Variants in MYMX observed in about 807,000 individuals in gnomAD.
MYMX encodes protein myomixer.
upstream of MYMX, among the ~76,000 whole-genome samples, chr6:44,213,254 C>CTT (rs1775691910): frequency 6.6e-6 from 1 of 151,076 alleles, no homozygotes; most frequent in Non-Finnish European, 1.5e-5. Flanking sequence ...GGCGTGGTGG[C>CTT]GCATGCCTGT....
At chr6:44,213,891 A>G (rs566796002), upstream of MYMX, among the ~76,000 whole-genome samples, 3 of 152,312 alleles carry the variant, frequency 2.0e-5, no homozygotes, top group African/African-American at 7.2e-5. Context: ...GCTCACTGCA[A>G]CCTTGAACTC....
upstream of MYMX, among the ~76,000 whole-genome samples, chr6:44,212,212 C>A (rs988436481): frequency 6.6e-6 from 1 of 151,832 alleles, no homozygotes; most frequent in Non-Finnish European, 1.5e-5. Context: ...TCAAGACCAG[C>A]CTGGGCAACA....
the MYMX span, among the ~76,000 whole-genome samples, chr6:44,210,636 T>C: frequency 1.3e-5 from 2 of 152,320 alleles, no homozygotes; most frequent in South Asian, 4.1e-4. Flanking sequence ...CCCAAATCTC[T>C]TCGGTAACTT....
At chr6:44,213,749 C>T (rs1282854955), upstream of MYMX, among the ~76,000 whole-genome samples, 1 of 152,168 alleles carries the variant, frequency 6.6e-6, no homozygotes, top group Non-Finnish European at 1.5e-5. Context: ...GACAAGTGAT[C>T]CTATTTAATC....
At chr6:44,203,501 G>A in the MYMX span, among the ~76,000 whole-genome samples, 1 of 152,192 alleles carries the variant, frequency 6.6e-6, no homozygotes, top group African/African-American at 2.4e-5. Context: ...GGAGGGAAAA[G>A]AGGAACAGTC....
the MYMX span, among the ~76,000 whole-genome samples, chr6:44,210,241 G>A: frequency 2.0e-5 from 3 of 150,904 alleles, no homozygotes; most frequent in Non-Finnish European, 4.4e-5. Context: ...CACCGGGCCC[G>A]GCCAATATAT....
intron 1 of MYMX, 21 bp downstream of exon 1, chr6:44,216,989 G>A (rs1467231150): frequency 6.5e-6 from 1 of 154,106 alleles, no homozygotes; most frequent in Admixed American, 6.5e-5. Context: ...CCGTGGATTG[G>A]TGGGGGTAGG....
At chr6:44,195,807 A>G in the MYMX span, among the ~76,000 whole-genome samples, 1 of 152,210 alleles carries the variant, frequency 6.6e-6, no homozygotes, top group Non-Finnish European at 1.5e-5. Flanking sequence ...ATGAGATAGT[A>G]CTTTCATTTT....
chr6:44,211,788 T>TTTTTTGTG, the MYMX span, among the ~76,000 whole-genome samples: 9 of 126,382 alleles, frequency 7.1e-5, no homozygotes, highest in African/African-American at 2.8e-4. Context: ...CAGCTAGGTT[T>TTTTTTGTG]TGTGTGTGTG....
chr6:44,213,415 A>C (rs1239452632), upstream of MYMX, among the ~76,000 whole-genome samples: 1 of 143,344 alleles, frequency 7.0e-6, no homozygotes, highest in Non-Finnish European at 1.5e-5. Flanking sequence ...AGATTGCAAA[A>C]CGTTTTTCTT....
intron 1 of MYMX, 175 bp downstream of exon 1, chr6:44,217,143 G>T (rs1775920657): frequency 3.6e-6 from 1 of 279,396 alleles, no homozygotes; most frequent in Non-Finnish European, 6.6e-6. Context: ...GCAAGAGGAG[G>T]GGGTGACTAG....
At chr6:44,201,694 G>C in the MYMX span, among the ~76,000 whole-genome samples, 1 of 152,196 alleles carries the variant, frequency 6.6e-6, no homozygotes, top group Non-Finnish European at 1.5e-5. Context: ...CTGACATAAG[G>C]GTGGAAGGAA....
upstream of MYMX, among the ~76,000 whole-genome samples, chr6:44,215,402 T>G (rs1011148230): frequency 1.3e-5 from 2 of 150,320 alleles, no homozygotes; most frequent in South Asian, 4.2e-4. Flanking sequence ...GTGAGACCCC[T>G]GTCTCTACAA....
At chr6:44,201,607 C>A in the MYMX span, among the ~76,000 whole-genome samples, 3 of 152,230 alleles carry the variant, frequency 2.0e-5, no homozygotes, top group Non-Finnish European at 2.9e-5. Flanking sequence ...GCCCCAGCCT[C>A]TGATCTAAGT....
At chr6:44,209,927 A>G in the MYMX span, 4 of 66,598 alleles carry the variant, frequency 6.0e-5, no homozygotes, top group Non-Finnish European at 1.1e-4. Flanking sequence ...CAAAAAAAGT[A>G]TATATATATA....
At chr6:44,202,265 G>C in the MYMX span, among the ~76,000 whole-genome samples, 1 of 152,244 alleles carries the variant, frequency 6.6e-6, no homozygotes, top group Non-Finnish European at 1.5e-5. Context: ...CACAATGTAT[G>C]TTGTCATGTC....
chr6:44,210,014 T>G, the MYMX span: 1 of 134,158 alleles, frequency 7.5e-6, no homozygotes, highest in Non-Finnish European at 1.6e-5. Context: ...TGGCGCGATC[T>G]CGGCTCACTG....
chr6:44,216,674 A>C (rs1775886371), upstream of MYMX, among the ~76,000 whole-genome samples: 1 of 98,384 alleles, frequency 1.0e-5, no homozygotes, highest in South Asian at 2.8e-4. Context: ...AAAAAAAAAG[A>C]AGAAGAGAAA....
At chr6:44,194,712 C>T in the MYMX span, among the ~76,000 whole-genome samples, 69 of 152,290 alleles carry the variant, frequency 4.5e-4, no homozygotes, top group Admixed American at 2.2e-3. Flanking sequence ...GCCTGCCTGC[C>T]AGCACCGCAC....
Sources: allele counts gnomAD v4.1 joint callset (sites outside exome capture counted in the v4.1 genomes callset), GRCh38; gene constraint gnomAD v4.1.1; transcripts MANE v1.5; gene names NCBI Gene and HGNC (gene_info 2026-07-23, HGNC 2026-07-21).